PAPPA: variants seen among roughly 807,000 people sequenced by gnomAD.
The protein encoded by PAPPA is pappalysin-1.
In PAPPA, 60 loss-of-function variants were observed where a neutral mutation model predicts 164.0. That is an observed-to-expected ratio of 0.37 (90% CI 0.30 to 0.45). The LOEUF (loss-of-function observed/expected upper bound fraction) is 0.45, where lower values mean the gene tolerates loss of function less well. Among genes scored for constraint, PAPPA ranks in the 20% least tolerant of loss-of-function variants. The probability of loss-of-function intolerance (pLI) is 1.00; values close to 1 mark genes in which losing one functional copy is unlikely to be tolerated. For synonymous variants in PAPPA, 875 were observed against 814.1 expected (o/e 1.07, Z -1.27); for missense variants, 1,782 against 2,087.3 (o/e 0.85, Z 2.85).
At chr9:116,364,463 A>T (rs1846472817) in intron 18 of PAPPA, among the ~76,000 whole-genome samples, 1 of 152,196 alleles carries the variant, frequency 6.6e-6, no homozygotes. Flanking sequence ...TAGTAAGCTC[A>T]TGCCTAACAC....
intron 21 of PAPPA, among the ~76,000 whole-genome samples, chr9:116,383,330 C>T (rs1205693105): frequency 6.6e-6 from 1 of 152,112 alleles, no homozygotes. Context: ...TATTCATCTG[C>T]AGTCAGAGCT....
intron 9 of PAPPA, among the ~76,000 whole-genome samples, chr9:116,299,825 C>G (rs1845557407): frequency 6.6e-6 from 1 of 152,034 alleles, no homozygotes; most frequent in African/African-American, 2.4e-5. Context: ...AGCATTATAC[C>G]CACAATCATC....
intron 2 of PAPPA, among the ~76,000 whole-genome samples, chr9:116,190,756 C>T (rs1476087071): frequency 6.6e-6 from 1 of 152,206 alleles, no homozygotes; most frequent in Admixed American, 6.5e-5. Flanking sequence ...TTCCAAAGGC[C>T]TCCTCTTTTC....
At chr9:116,155,800 A>G (rs1587931718) in intron 1 of PAPPA, among the ~76,000 whole-genome samples, 1 of 152,274 alleles carries the variant, frequency 6.6e-6, no homozygotes, top group Non-Finnish European at 1.5e-5. Flanking sequence ...TGCTATCCCA[A>G]GAATACGTCT....
chr9:116,326,322 G>T (rs1044477692), intron 10 of PAPPA, among the ~76,000 whole-genome samples: 2 of 151,958 alleles, frequency 1.3e-5, no homozygotes, highest in African/African-American at 4.8e-5. Context: ...ATTATTTATT[G>T]TTGTCCCAGG....
intron 9 of PAPPA, among the ~76,000 whole-genome samples, chr9:116,294,304 A>G (rs1455129226): frequency 1.3e-5 from 2 of 152,158 alleles, no homozygotes; most frequent in African/African-American, 4.8e-5. Flanking sequence ...CTGGAAACCA[A>G]CTTAAGCTCC....
chr9:116,158,260 A>T (rs1843626450), intron 1 of PAPPA, among the ~76,000 whole-genome samples: 1 of 152,118 alleles, frequency 6.6e-6, no homozygotes. Context: ...CCAACCCTCA[A>T]AAAAGAGTAC....
At chr9:116,370,457 G>A (rs1459926100) in intron 19 of PAPPA, among the ~76,000 whole-genome samples, 1 of 152,158 alleles carries the variant, frequency 6.6e-6, no homozygotes, top group African/African-American at 2.4e-5. Context: ...AGTAATAAAG[G>A]CAATACATTT....
intron 10 of PAPPA, among the ~76,000 whole-genome samples, chr9:116,320,999 T>C (rs1845847835): frequency 6.6e-6 from 1 of 152,010 alleles, no homozygotes; most frequent in Non-Finnish European, 1.5e-5. Context: ...TTAACTGAGA[T>C]GAGACATGTA....
chr9:116,154,155 C>CGGGGGGGCTGGGGGGGG lies in PAPPA; in HGVS notation c.-12_-11insGCTGGGGGGGGGGGGGG. The CGGGGGGGCTGGGGGGGG allele has an allele frequency of 2.2e-6, 1 of 464,988 alleles. No homozygotes were observed. Among genetic ancestry groups the CGGGGGGGCTGGGGGGGG allele is most frequent in the Non-Finnish European group, 2.9e-6 (1 of 345,718 alleles). The allele number at this position is 464,988 out of a possible 1,614,324, so 28.8% of individuals were successfully genotyped here. On this transcript the variant is annotated 5_prime_UTR_variant, in exon 1 of 22. Coordinates refer to ENST00000328252, the MANE Select transcript of PAPPA (RefSeq NM_002581.5). The surrounding 1 kb of genome is among the most constrained non-coding windows in gnomAD (Gnocchi z 5.2). ...TGGCGGTGCAGGGGCGAAGGGGGGG[C>CGGGGGGGCTGGGGGGGG]GGGGGGAACCGTCGGACATGCGGCT...
intron 1 of PAPPA, among the ~76,000 whole-genome samples, chr9:116,156,604 A>G (rs1434787412): frequency 6.6e-6 from 1 of 152,018 alleles, no homozygotes. Flanking sequence ...ATAAATAAGC[A>G]CTGCTGTCGT....
chr9:116,353,338 G>C (rs1393880916), intron 16 of PAPPA, among the ~76,000 whole-genome samples: 1 of 152,186 alleles, frequency 6.6e-6, no homozygotes, highest in Non-Finnish European at 1.5e-5. Context: ...ACACACATCA[G>C]AACACTCTGC....
At chr9:116,259,371 A>G (rs1032975204) in intron 7 of PAPPA, among the ~76,000 whole-genome samples, 9 of 152,084 alleles carry the variant, frequency 5.9e-5, no homozygotes, top group African/African-American at 2.4e-5. Flanking sequence ...TAGGAGTCAT[A>G]GACCATGAAA....
At chr9:116,330,633 G>T (rs1822248632) in intron 10 of PAPPA, among the ~76,000 whole-genome samples, 1 of 151,990 alleles carries the variant, frequency 6.6e-6, no homozygotes. Flanking sequence ...AGGGGTGTGT[G>T]TGTGTGTATA....
chr9:116,261,557 A>G (rs955662226), intron 7 of PAPPA, among the ~76,000 whole-genome samples: 1 of 152,214 alleles, frequency 6.6e-6, no homozygotes, highest in Non-Finnish European at 1.5e-5. Context: ...ATAGGTTTTA[A>G]TTGACCTATC....
intron 1 of PAPPA, among the ~76,000 whole-genome samples, chr9:116,177,335 T>C (rs1464272435): frequency 1.3e-5 from 2 of 152,248 alleles, no homozygotes; most frequent in East Asian, 3.8e-4. Flanking sequence ...CTTTCACTCA[T>C]GCAAGCACCC....
At chr9:116,396,148 T>G (rs781044095) in intron 21 of PAPPA, among the ~76,000 whole-genome samples, 1 of 152,166 alleles carries the variant, frequency 6.6e-6, no homozygotes, top group Non-Finnish European at 1.5e-5. Context: ...TATTATTACT[T>G]TTGGCAAATT....
chr9:116,254,222 G>A (rs1057223064), intron 7 of PAPPA, among the ~76,000 whole-genome samples: 1 of 152,116 alleles, frequency 6.6e-6, no homozygotes, highest in Non-Finnish European at 1.5e-5. Context: ...CCTAAAAGCA[G>A]GACCATAATG....
chr9:116,352,673 C>T, intron 15 of PAPPA, 33 bp from the exon 16 acceptor site: 2 of 1,560,676 alleles, frequency 1.3e-6, no homozygotes, highest in Non-Finnish European at 8.8e-7. Context: ...GAGACTCCTC[C>T]CTCCTCTAAC....
Sources: allele counts gnomAD v4.1 joint callset (sites outside exome capture counted in the v4.1 genomes callset), GRCh38; gene constraint gnomAD v4.1.1; non-coding constraint Gnocchi (gnomAD v3.1); transcripts MANE v1.5; gene names NCBI Gene and HGNC (gene_info 2026-07-23, HGNC 2026-07-21).